The following TMPRSS15 variants were observed in gnomAD, a reference collection of about 807,000 sequenced individuals.
TMPRSS15 encodes the protein enteropeptidase.
TMPRSS15 carries 128 observed loss-of-function variants against 125.3 expected under a neutral mutation model. The ratio of observed to expected loss-of-function variants is 1.02; its 90% CI spans 0.89 to 1.18. The LOEUF (loss-of-function observed/expected upper bound fraction) is 1.18. Ranked by LOEUF, TMPRSS15 falls within the 50% of genes most tolerant of loss-of-function variation. The probability of loss-of-function intolerance (pLI) is 0.00; values close to 1 mark genes in which losing one functional copy is unlikely to be tolerated. For synonymous variants in TMPRSS15, 446 were observed against 423.2 expected, an observed-to-expected ratio of 1.05 and a Z score of -0.66; for missense variants, 1,283 against 1,212.7, an observed-to-expected ratio of 1.06 and a Z score of -0.86.
intron 6 of TMPRSS15, among the ~76,000 whole-genome samples, chr21:18,368,597 G>A (rs996203189): frequency 2.0e-4 from 31 of 152,272 alleles, no homozygotes; most frequent in Admixed American, 1.8e-3. Flanking sequence ...TTCTTGCACC[G>A]TGATATAGGT....
chr21:18,381,161 A>T (rs2075889464), intron 4 of TMPRSS15, among the ~76,000 whole-genome samples: 1 of 152,134 alleles, frequency 6.6e-6, no homozygotes, highest in Non-Finnish European at 1.5e-5. Flanking sequence ...CATGTGGTGA[A>T]TTTGTTTTTA....
At chr21:18,351,116 T>C (rs548361234) in intron 10 of TMPRSS15, among the ~76,000 whole-genome samples, 128 of 152,238 alleles carry the variant, frequency 8.4e-4, no homozygotes, top group African/African-American at 3.0e-3. Flanking sequence ...TTTAACTAAA[T>C]GTCACTCACA....
At chr21:18,306,051 A>T (rs185796587) in intron 18 of TMPRSS15, among the ~76,000 whole-genome samples, 61 of 152,334 alleles carry the variant, frequency 4.0e-4, no homozygotes, top group East Asian at 3.3e-3. Context: ...AAAAAATTTT[A>T]AAAATGTAAA....
intron 3 of TMPRSS15, among the ~76,000 whole-genome samples, chr21:18,391,533 C>G (rs2075990311): frequency 1.3e-5 from 2 of 152,234 alleles, no homozygotes; most frequent in African/African-American, 4.8e-5. Flanking sequence ...GGGGTGGGCT[C>G]TGACGGTCTT....
chr21:18,345,172 A>G (rs372121024), intron 10 of TMPRSS15, among the ~76,000 whole-genome samples: 7 of 152,354 alleles, frequency 4.6e-5, no homozygotes, highest in African/African-American at 1.7e-4. Context: ...TAATATGTAC[A>G]CATTCATTTG....
At chr21:18,422,010 G>A (rs1031823992) in intron 1 of TMPRSS15, among the ~76,000 whole-genome samples, 2 of 141,122 alleles carry the variant, frequency 1.4e-5, no homozygotes, top group Non-Finnish European at 1.5e-5. Flanking sequence ...TTCAGACTAC[G>A]TCTGGCTCTG....
chr21:18,472,968 A>G (rs1978809585), intron 1 of TMPRSS15, among the ~76,000 whole-genome samples: 1 of 152,138 alleles, frequency 6.6e-6, no homozygotes, highest in Non-Finnish European at 1.5e-5. Flanking sequence ...TACAAGATGG[A>G]TGTTATTGTT....
intron 18 of TMPRSS15, among the ~76,000 whole-genome samples, chr21:18,306,546 T>A (rs1568996496): frequency 6.6e-6 from 1 of 152,204 alleles, no homozygotes; most frequent in African/African-American, 2.4e-5. Context: ...TGGACAGGAC[T>A]AATATGGGAT....
intron 18 of TMPRSS15, among the ~76,000 whole-genome samples, chr21:18,299,985 C>T (rs1437474273): frequency 1.3e-5 from 2 of 152,124 alleles, no homozygotes; most frequent in Non-Finnish European, 2.9e-5. Context: ...TTTTGACATA[C>T]AAAGTGACTT....
chr21:18,279,503 T>A (rs976913659), intron 22 of TMPRSS15, among the ~76,000 whole-genome samples: 3 of 140,130 alleles, frequency 2.1e-5, no homozygotes, highest in Non-Finnish European at 4.7e-5. Context: ...TTTTTTTGTA[T>A]TTTTTTTTTT....
intron 1 of TMPRSS15, among the ~76,000 whole-genome samples, chr21:18,475,252 T>TA (rs567433801): frequency 1.4e-3 from 211 of 152,232 alleles, no homozygotes; most frequent in Middle Eastern, 6.8e-3. Flanking sequence ...AAAACTGATA[T>TA]AAAGATTGAG....
At chr21:18,484,891 T>G (rs948600856) in intron 1 of TMPRSS15, among the ~76,000 whole-genome samples, 1 of 151,856 alleles carries the variant, frequency 6.6e-6, no homozygotes, top group African/African-American at 2.4e-5. Flanking sequence ...TTGCCTTAAC[T>G]GTCCTTAGCT....
intron 1 of TMPRSS15, among the ~76,000 whole-genome samples, chr21:18,431,390 A>G (rs1043272808): frequency 3.3e-5 from 5 of 152,032 alleles, no homozygotes; most frequent in Non-Finnish European, 7.4e-5. Flanking sequence ...AAGTTTTATC[A>G]TGGCCCTATC....
At chr21:18,308,217 G>T (rs1452878413) in intron 18 of TMPRSS15, among the ~76,000 whole-genome samples, 1 of 152,092 alleles carries the variant, frequency 6.6e-6, no homozygotes, top group Non-Finnish European at 1.5e-5. Context: ...TTCTTTACTT[G>T]AAATGAAAAT....
chr21:18,408,510 C>T (rs937419113), upstream of TMPRSS15, among the ~76,000 whole-genome samples: 1 of 152,082 alleles, frequency 6.6e-6, no homozygotes, highest in Non-Finnish European at 1.5e-5. Flanking sequence ...ATGAACACTC[C>T]TAGGATTGAT....
intron 1 of TMPRSS15, among the ~76,000 whole-genome samples, chr21:18,433,521 T>C (rs927524376): frequency 6.6e-6 from 1 of 151,752 alleles, no homozygotes; most frequent in African/African-American, 2.4e-5. Context: ...GGAGAAACCC[T>C]GTCTCTAGAA....
At chr21:18,332,241 C>T in intron 13 of TMPRSS15, 68 bp from the exon 14 acceptor site, 1 of 1,363,490 alleles carries the variant, frequency 7.3e-7, no homozygotes, top group South Asian at 1.2e-5. Flanking sequence ...ATACCATATG[C>T]CAGCGAATTT....
chr21:18,271,025 C>A (rs1456375070), intron 24 of TMPRSS15, among the ~76,000 whole-genome samples: 1 of 152,112 alleles, frequency 6.6e-6, no homozygotes, highest in Non-Finnish European at 1.5e-5. Context: ...TTTGTCTGAT[C>A]CTTTTTATCA....
chr21:18,329,868 T>C (rs1012131068), intron 14 of TMPRSS15, among the ~76,000 whole-genome samples: 1 of 151,948 alleles, frequency 6.6e-6, no homozygotes, highest in Non-Finnish European at 1.5e-5. Flanking sequence ...TATTCTTCTC[T>C]CATTCTGTAT....
Sources: gnomAD v4.1 joint callset for allele counts (sites outside exome capture counted in the v4.1 genomes callset) on GRCh38, gnomAD v4.1.1 for gene constraint, MANE v1.5 for transcripts, NCBI Gene and HGNC (gene_info 2026-07-23, HGNC 2026-07-21) for gene names.